The following NCOR2 variants were observed in gnomAD, a reference collection of about 807,000 sequenced individuals.
NCOR2 encodes CTG repeat protein 26.
NCOR2 carries 81 observed loss-of-function variants against 262.9 expected under a neutral mutation model. The observed-to-expected ratio is 0.31, with a 90% CI of 0.26 to 0.37. The LOEUF (loss-of-function observed/expected upper bound fraction) is 0.37. NCOR2 is among the 10% of genes least tolerant of loss of function. The probability of loss-of-function intolerance (pLI) is 1.00; values close to 1 mark genes in which losing one functional copy is unlikely to be tolerated. For missense variants in NCOR2, 3,385 were observed against 3,621.4 expected (o/e 0.93, Z 1.68); for synonymous variants, 1,659 against 1,559.3 (o/e 1.06, Z -1.51).
chr12:124,341,545 A>G (rs1166768976), intron 34 of NCOR2, among the ~76,000 whole-genome samples: 1 of 152,082 alleles, frequency 6.6e-6, no homozygotes, highest in Admixed American at 6.5e-5. Flanking sequence ...CCACATTTTG[A>G]TCTTTAAACT....
exon 47 of NCOR2, chr12:124,324,724 AT>A (rs2034505830): frequency 6.6e-6 from 1 of 152,554 alleles, no homozygotes; most frequent in Non-Finnish European, 1.5e-5. Context: ...TATCAAAAAT[AT>A]ACCCTGTAAA....
chr12:124,349,145 G>A (rs867531056), intron 28 of NCOR2, among the ~76,000 whole-genome samples: 5 of 152,320 alleles, frequency 3.3e-5, no homozygotes, highest in Admixed American at 6.5e-5. Context: ...GGGTGGCCTC[G>A]CCAGGCCAAA....
At chr12:124,446,154 A>G (rs2045154673) in intron 7 of NCOR2, among the ~76,000 whole-genome samples, 1 of 152,188 alleles carries the variant, frequency 6.6e-6, no homozygotes, top group African/African-American at 2.4e-5. Context: ...AGAGGCTGCC[A>G]AGGGCAGCTT....
chr12:124,332,093 T>C lies in NCOR2; in HGVS notation c.6904+226A>G, dbSNP rs904207911. The C allele has an allele frequency of 7.4e-5, 42 of 568,128 alleles. No individual in the cohort carries two copies. The East Asian group carries it at 1.2e-3, about 17-fold the overall frequency. 35.2% of individuals were successfully genotyped at this position (568,128 alleles called of 1,614,324 possible). A position where few individuals can be genotyped will look rare whatever the true frequency, so the allele number is the denominator to read the frequency against. On this transcript the variant is annotated intron_variant, in intron 43 of 46. Coordinates refer to ENST00000405201, the Ensembl canonical transcript of NCOR2. The stretch of plus-strand genomic sequence containing the variant: ...TGGGCACCTACTATGTGCTGGGTGC[T>C]ATTCTTCTGTGCCAGTAAGCTCCTA...
chr12:124,537,400 G>C (rs532489418), upstream of NCOR2, among the ~76,000 whole-genome samples: 7 of 152,338 alleles, frequency 4.6e-5, no homozygotes, highest in African/African-American at 1.7e-4. Context: ...GGTGAGGCCA[G>C]GGCTGCCCCC....
intron 20 of NCOR2, among the ~76,000 whole-genome samples, chr12:124,367,563 C>T (rs1162080317): frequency 2.0e-5 from 3 of 152,186 alleles, no homozygotes; most frequent in Admixed American, 1.3e-4. Flanking sequence ...GCTGGAGGAG[C>T]GCCACCTCCA....
chr12:124,344,618 G>C (rs1170943920), exon 32 of NCOR2: 5 of 1,459,208 alleles, frequency 3.4e-6, no homozygotes, highest in South Asian at 1.4e-5. Context: ...CGCGGCGTGG[G>C]CTCCCGCGTG....
chr12:124,382,245 G>A (rs565302229), intron 17 of NCOR2, among the ~76,000 whole-genome samples: 6 of 152,326 alleles, frequency 3.9e-5, no homozygotes, highest in African/African-American at 1.4e-4. Context: ...CTGCAGCGAT[G>A]GGGAGCTCAC....
chr12:124,461,606 T>C (rs997650255), intron 5 of NCOR2, among the ~76,000 whole-genome samples: 8 of 151,958 alleles, frequency 5.3e-5, no homozygotes, highest in Non-Finnish European at 1.0e-4. Flanking sequence ...CATACACACA[T>C]GTCCACACAC....
At chr12:124,439,358 C>G (rs1593546965) in intron 7 of NCOR2, among the ~76,000 whole-genome samples, 1 of 94,428 alleles carries the variant, frequency 1.1e-5, no homozygotes, top group Non-Finnish European at 2.2e-5. Context: ...GAGAGGGAGA[C>G]AGAGACCCGG....
intron 5 of NCOR2, among the ~76,000 whole-genome samples, chr12:124,462,749 A>G (rs1347999325): frequency 1.3e-5 from 2 of 152,230 alleles, no homozygotes; most frequent in Non-Finnish European, 2.9e-5. Context: ...CAAAACCCCC[A>G]AAAGGCTCTA....
intron 1 of NCOR2, among the ~76,000 whole-genome samples, chr12:124,526,269 C>T (rs2050463187): frequency 1.3e-5 from 2 of 152,142 alleles, no homozygotes; most frequent in African/African-American, 2.4e-5. Flanking sequence ...CAGGGAGAGC[C>T]CCAAACCCCG....
chr12:124,516,426 G>C (rs2049788562), intron 1 of NCOR2, among the ~76,000 whole-genome samples: 1 of 152,226 alleles, frequency 6.6e-6, no homozygotes, highest in South Asian at 2.1e-4. Flanking sequence ...AGCCTGGGAA[G>C]CACCCACTCG....
At chr12:124,383,429 G>A in intron 17 of NCOR2, 1 of 542,186 alleles carries the variant, frequency 1.8e-6, no homozygotes, top group African/African-American at 2.0e-5. Context: ...CGGCTTCACT[G>A]GTGGTCACCA....
At chr12:124,421,574 G>C (rs2043205749) in intron 12 of NCOR2, among the ~76,000 whole-genome samples, 1 of 152,220 alleles carries the variant, frequency 6.6e-6, no homozygotes, top group African/African-American at 2.4e-5. Flanking sequence ...GGGAACAGCT[G>C]TCCTTTAAAA....
intron 1 of NCOR2, among the ~76,000 whole-genome samples, chr12:124,544,350 T>G (rs374435479): frequency 7.9e-5 from 12 of 152,304 alleles, no homozygotes; most frequent in Middle Eastern, 3.4e-3. Context: ...CCCCTGAATC[T>G]GCAGCTGAAC....
chr12:124,342,570 G>A (rs1054367680), intron 33 of NCOR2, among the ~76,000 whole-genome samples: 236 of 152,196 alleles, frequency 1.6e-3, no homozygotes, highest in African/African-American at 5.2e-3. Context: ...GGGTTTCACC[G>A]TGTTAGCCAG....
chr12:124,348,410 C>G (rs1844188849), intron 28 of NCOR2, 96 bp from the exon 31 acceptor site: 1 of 1,457,024 alleles, frequency 6.9e-7, no homozygotes, highest in Admixed American at 2.3e-5. Context: ...CAGGAGCCAG[C>G]AGTGCTTCCA....
chr12:124,373,026 G>A (rs1195102460), intron 19 of NCOR2, among the ~76,000 whole-genome samples: 1 of 152,242 alleles, frequency 6.6e-6, no homozygotes, highest in Non-Finnish European at 1.5e-5. Context: ...GGAAACTCAG[G>A]TTACCTCTTG....
Sources: allele counts gnomAD v4.1 joint callset (sites outside exome capture counted in the v4.1 genomes callset), GRCh38; gene constraint gnomAD v4.1.1; transcripts MANE v1.5; gene names NCBI Gene and HGNC (gene_info 2026-07-23, HGNC 2026-07-21).